GSE1: variants seen among roughly 807,000 people sequenced by gnomAD.
GSE1 encodes Gse1 coiled-coil protein, also known as genetic suppressor element 1.
A neutral mutation model predicts 112.6 loss-of-function variants in GSE1; 32 were observed. The observed-to-expected ratio is 0.28, with a 90% CI of 0.21 to 0.38. GSE1 has a LOEUF of 0.38. Among genes scored for constraint, GSE1 ranks in the 10% least tolerant of loss-of-function variants. The pLI, the probability that GSE1 is intolerant of heterozygous loss-of-function variation, is 1.00. For synonymous variants in GSE1, 1,115 were observed against 735.6 expected (o/e 1.52, Z -8.35); for missense variants, 2,348 against 1,699.2 (o/e 1.38, Z -6.71).
intron 1 of GSE1, among the ~76,000 whole-genome samples, chr16:85,556,784 T>C (rs1598169947): frequency 3.7e-5 from 3 of 80,362 alleles, no homozygotes; most frequent in East Asian, 4.9e-4. Context: ...TTTATTTCCC[T>C]CTCCCTCCAG....
At chr16:85,213,423 A>G (rs1032859014) in intron 1 of GSE1, among the ~76,000 whole-genome samples, 4 of 152,328 alleles carry the variant, frequency 2.6e-5, no homozygotes, top group Admixed American at 1.3e-4. Context: ...ACTGCACTCC[A>G]GCTTGGGCGA....
intron 2 of GSE1, among the ~76,000 whole-genome samples, chr16:85,521,846 G>A (rs941840505): frequency 2.6e-5 from 4 of 152,232 alleles, no homozygotes; most frequent in East Asian, 1.9e-4. Flanking sequence ...CCAGGGGGTC[G>A]TGGAGGGTTC....
chr16:85,555,433 G>C, upstream of GSE1: 1 of 982,258 alleles, frequency 1.0e-6, no homozygotes, highest in Non-Finnish European at 1.2e-6. Context: ...GGGGAGGGGA[G>C]CCGGCTCCCC....
intron 1 of GSE1, among the ~76,000 whole-genome samples, chr16:85,202,120 C>T (rs1567607499): frequency 6.6e-6 from 1 of 152,190 alleles, no homozygotes. Context: ...GAAGTGCTCC[C>T]CTGTTAGGCC....
intron 2 of GSE1, among the ~76,000 whole-genome samples, chr16:85,475,861 T>G (rs1183016193): frequency 6.6e-6 from 1 of 151,568 alleles, no homozygotes; most frequent in Non-Finnish European, 1.5e-5. Flanking sequence ...TGGGCTCAAG[T>G]GATCGTTCCA....
rs371393605 is a variant in GSE1, at chr16:85,374,169, AGTGT to A, written c.2464+16531_2464+16534del. 1.9e-3 allele frequency among the ~76,000 whole-genome samples: 281 copies of A among 148,794 alleles called. 2 individuals carry two copies. The highest frequency in any genetic ancestry group is 6.5e-3 in the African/African-American group (259 of 39,962). ...TGGTTGCATGTGGCCCTCGGTGTGC[AGTGT>A]GTGTCAGTGTGCCTCTGTGTGTTCA... On this transcript the variant is annotated intron_variant, in intron 2 of 2. Transcript: ENST00000637419.
intron 1 of GSE1, among the ~76,000 whole-genome samples, chr16:85,322,470 C>G (rs947883204): frequency 2.6e-5 from 4 of 152,084 alleles, no homozygotes; most frequent in Admixed American, 6.6e-5. Flanking sequence ...CAAGCAGTGA[C>G]CAAGGGACTG....
chr16:85,530,251 C>T (rs1270521571), intron 2 of GSE1, among the ~76,000 whole-genome samples: 2 of 152,140 alleles, frequency 1.3e-5, no homozygotes, highest in Non-Finnish European at 2.9e-5. Flanking sequence ...AATGGATTAT[C>T]CTGTTTGCCT....
intron 2 of GSE1, among the ~76,000 whole-genome samples, chr16:85,395,198 C>T (rs916849432): frequency 6.6e-6 from 1 of 152,038 alleles, no homozygotes; most frequent in African/African-American, 2.4e-5. Flanking sequence ...TCGAACGTTA[C>T]CCTGAATCCC....
At chr16:85,336,077 G>A (rs1017699544) in intron 1 of GSE1, among the ~76,000 whole-genome samples, 5 of 152,166 alleles carry the variant, frequency 3.3e-5, no homozygotes, top group African/African-American at 1.2e-4. Flanking sequence ...CGTGGAGGCT[G>A]CCCCTGCCCC....
At chr16:85,468,020 G>T (rs957159721) in intron 2 of GSE1, among the ~76,000 whole-genome samples, 1 of 152,152 alleles carries the variant, frequency 6.6e-6, no homozygotes, top group Admixed American at 6.5e-5. Flanking sequence ...GCCAGTGAGG[G>T]CTCCTTCTCT....
At chr16:85,266,288 C>T (rs966433722) in intron 1 of GSE1, among the ~76,000 whole-genome samples, 4 of 152,286 alleles carry the variant, frequency 2.6e-5, no homozygotes, top group South Asian at 2.1e-4. Flanking sequence ...TAGCAATGAG[C>T]GAGCTTGATT....
At chr16:85,644,640 G>C (rs61614795) in intron 2 of GSE1, among the ~76,000 whole-genome samples, 4 of 152,158 alleles carry the variant, frequency 2.6e-5, no homozygotes, top group African/African-American at 9.7e-5. Flanking sequence ...GAGCCAATGC[G>C]TGCGGGGCCT....
chr16:85,384,335 T>A (rs768794244), intron 2 of GSE1, among the ~76,000 whole-genome samples: 1 of 152,172 alleles, frequency 6.6e-6, no homozygotes, highest in Non-Finnish European at 1.5e-5. Flanking sequence ...CCCTTGCCCA[T>A]AGCGTGGCAG....
intron 1 of GSE1, among the ~76,000 whole-genome samples, chr16:85,315,850 G>T (rs2045973710): frequency 6.6e-6 from 1 of 152,216 alleles, no homozygotes; most frequent in Admixed American, 6.5e-5. Context: ...AAAGGCTTCG[G>T]AGCAAACCCA....
At chr16:85,609,154 C>T (rs1356987966), upstream of GSE1, among the ~76,000 whole-genome samples, 1 of 152,218 alleles carries the variant, frequency 6.6e-6, no homozygotes, top group Non-Finnish European at 1.5e-5. Context: ...ATCCTGCCCC[C>T]TTGCCTTCCA....
intron 13 of GSE1, among the ~76,000 whole-genome samples, chr16:85,667,384 C>T (rs996680050): frequency 2.0e-5 from 3 of 152,240 alleles, no homozygotes; most frequent in Admixed American, 1.3e-4. Context: ...CAGGTGTGCT[C>T]CTGAGGATGT....
intron 1 of GSE1, among the ~76,000 whole-genome samples, chr16:85,352,300 A>G (rs186540487): frequency 1.3e-5 from 2 of 152,310 alleles, no homozygotes; most frequent in South Asian, 2.1e-4. Context: ...GAAGAACCCT[A>G]TTAAATTTCC....
At chr16:85,612,725 GTC>G (rs2048074523), upstream of GSE1, among the ~76,000 whole-genome samples, 1 of 152,112 alleles carries the variant, frequency 6.6e-6, no homozygotes, top group South Asian at 2.1e-4. Context: ...TGGGTACACA[GTC>G]TGTTTTGTGT....
Sources: allele counts gnomAD v4.1 joint callset (sites outside exome capture counted in the v4.1 genomes callset), GRCh38; gene constraint gnomAD v4.1.1; transcripts MANE v1.5; gene names NCBI Gene and HGNC (gene_info 2026-07-23, HGNC 2026-07-21).